The following TRAK2 variants were observed in gnomAD, a reference collection of about 807,000 sequenced individuals.
TRAK2 encodes the protein trafficking kinesin-binding protein 2.
Under a neutral mutation model 104.6 loss-of-function variants are expected in TRAK2, and 81 were observed. The observed-to-expected ratio is 0.77, with a 90% CI of 0.65 to 0.93. The LOEUF (loss-of-function observed/expected upper bound fraction) is 0.93, where lower values mean the gene tolerates loss of function less well. TRAK2 is among the 40% of genes least tolerant of loss of function. TRAK2 has a pLI of 0.00. For missense variants in TRAK2, 1,002 were observed against 1,089.0 expected (o/e 0.92, Z 1.12); for synonymous variants, 406 against 394.4 (o/e 1.03, Z -0.35).
chr2:201,445,782 T>G (rs1484705451), intron 1 of TRAK2, among the ~76,000 whole-genome samples: 1 of 152,244 alleles, frequency 6.6e-6, no homozygotes, highest in Non-Finnish European at 1.5e-5. Context: ...TAAATTTGAC[T>G]AGTTCAGATT....
chr2:201,391,632 T>C (rs563800686), intron 10 of TRAK2, among the ~76,000 whole-genome samples: 1 of 152,314 alleles, frequency 6.6e-6, no homozygotes, highest in South Asian at 2.1e-4. Context: ...TAACTGTTAA[T>C]TACCGTTAAC....
intron 1 of TRAK2, among the ~76,000 whole-genome samples, chr2:201,422,676 C>T (rs1476863487): frequency 3.3e-5 from 5 of 152,056 alleles, no homozygotes; most frequent in Non-Finnish European, 2.9e-5. Flanking sequence ...AGGGAAAATT[C>T]GGTTTATTTA....
At chr2:201,449,389 T>C (rs896850314) in intron 1 of TRAK2, among the ~76,000 whole-genome samples, 1 of 152,080 alleles carries the variant, frequency 6.6e-6, no homozygotes, top group Non-Finnish European at 1.5e-5. Flanking sequence ...CAGATTAGTG[T>C]GATAGGTTTG....
At chr2:201,425,630 A>T (rs966278043) in intron 1 of TRAK2, among the ~76,000 whole-genome samples, 14 of 151,952 alleles carry the variant, frequency 9.2e-5, no homozygotes, top group African/African-American at 3.4e-4. Flanking sequence ...CAAACTCCTG[A>T]CCTCAGGTGA....
intron 1 of TRAK2, among the ~76,000 whole-genome samples, chr2:201,448,117 GT>G (rs1951977564): frequency 6.6e-6 from 1 of 152,168 alleles, no homozygotes; most frequent in African/African-American, 2.4e-5. Context: ...TGATTCCACA[GT>G]TTACTTATCT....
chr2:201,434,111 C>T (rs1366208533), intron 1 of TRAK2, among the ~76,000 whole-genome samples: 2 of 152,186 alleles, frequency 1.3e-5, no homozygotes, highest in African/African-American at 4.8e-5. Context: ...GCGTCCGCCA[C>T]CGCGCCCGGC....
chr2:201,424,829 GATCTCC>G, intron 1 of TRAK2, among the ~76,000 whole-genome samples: 1 of 151,822 alleles, frequency 6.6e-6, no homozygotes, highest in South Asian at 2.1e-4. Context: ...GGATGGTCTC[GATCTCC>G]TGACCTCGTG....
At chr2:201,449,376 C>A (rs1443725517) in intron 1 of TRAK2, among the ~76,000 whole-genome samples, 1 of 152,096 alleles carries the variant, frequency 6.6e-6, no homozygotes, top group African/African-American at 2.4e-5. Flanking sequence ...AGTCTTTGAG[C>A]CTCAGATTAG....
chr2:201,393,016 A>C lies in TRAK2; in HGVS notation c.1006T>G (p.Cys336Gly). 2 of 1,612,648 alleles carry C rather than the reference A, an allele frequency of 1.2e-6. No individual in the cohort carries two copies. Among genetic ancestry groups the C allele is most frequent in the Non-Finnish European group, 1.7e-6 (2 of 1,179,216 alleles). The change falls in exon 10 of 16, where the codon TGT becomes GGT. Residue 336 changes from cysteine (C) to glycine (G), a missense_variant. Cys to Gly is a radical substitution (Grantham distance 159, BLOSUM62 -3). Coordinates refer to ENST00000332624, the MANE Select transcript of TRAK2 (RefSeq NM_015049.3). ...TGGGATTCATGTAACATTCCTAGAC[A>C]CTCCATATTCCTGTCTTGTAACTCG... Reference protein sequence around the residue: ...LHELQDRNMECLGMLHESQEE... With the variant: ...LHELQDRNMEGLGMLHESQEE...
intron 14 of TRAK2, among the ~76,000 whole-genome samples, chr2:201,385,574 T>C (rs1353640910): frequency 6.6e-6 from 1 of 152,194 alleles, no homozygotes. Context: ...ACTACTTACC[T>C]AGTTTTAGTG....
Position 201,386,309 on chromosome 2 carries a change from T to G in TRAK2, c.1872A>C (p.Gln624His). The change falls in exon 14 of 16, where the codon CAA becomes CAC. Residue 624 changes from glutamine (Q) to histidine (H), a missense_variant. Coordinates refer to ENST00000332624, the MANE Select transcript of TRAK2 (RefSeq NM_015049.3). ...AAAGTTTCTCTTCCACTTCAAGAGG[T>G]TGCTGAACCTGAAAAGTAATACCCT... is the stretch of plus-strand genomic sequence containing the variant. The part of the protein sequence containing the change: ...EEEGITFQVQ[Q>H]PLEVEEKLST... The G allele has an allele frequency of 1.9e-6, 3 of 1,614,118 alleles. No individual in the cohort carries two copies. Among genetic ancestry groups the G allele is most frequent in the Non-Finnish European group, 1.7e-6 (2 of 1,180,006 alleles).
Position 201,407,379 on chromosome 2 carries a change from TAAAAGAGTAAAAAAAATAC to T in TRAK2, c.286+5_286+23del. On this transcript the variant is annotated splice_donor_5th_base_variant and intron_variant, in intron 3 of 15. Coordinates refer to ENST00000332624, the MANE Select transcript of TRAK2 (RefSeq NM_015049.3). ...ATGATCATTACTTTAATGCACAAAC[TAAAAGAGTAAAAAAAATAC>T]TCACTCATGTAACGGAAAGTCTCTT... 1 of 1,596,486 alleles carries T rather than the reference TAAAAGAGTAAAAAAAATAC, an allele frequency of 6.3e-7. No individual in the cohort carries two copies.
At chr2:201,387,461 C>A (rs1161340994) in intron 13 of TRAK2, among the ~76,000 whole-genome samples, 1 of 152,176 alleles carries the variant, frequency 6.6e-6, no homozygotes, top group East Asian at 1.9e-4. Context: ...CTCTTCCCTG[C>A]TCACGTTTAT....
chr2:201,389,216 G>T, intron 12 of TRAK2, 84 bp downstream of exon 12: 2 of 1,279,628 alleles, frequency 1.6e-6, no homozygotes, highest in South Asian at 1.2e-5. Context: ...TGGGACAGTA[G>T]AGTAATGCTG....
intron 1 of TRAK2, among the ~76,000 whole-genome samples, chr2:201,432,000 G>A (rs562390522): frequency 2.0e-5 from 3 of 152,174 alleles, no homozygotes; most frequent in Admixed American, 6.5e-5. Flanking sequence ...TTAGAATAAT[G>A]TCTTAGAATA....
intron 3 of TRAK2, among the ~76,000 whole-genome samples, chr2:201,405,654 A>G (rs990440401): frequency 6.6e-6 from 1 of 152,222 alleles, no homozygotes; most frequent in Non-Finnish European, 1.5e-5. Flanking sequence ...ATAATGACAA[A>G]CTAAATTTAT....
chr2:201,404,290 A>C (rs1034803227), intron 3 of TRAK2, among the ~76,000 whole-genome samples: 1 of 152,226 alleles, frequency 6.6e-6, no homozygotes, highest in Non-Finnish European at 1.5e-5. Flanking sequence ...GTTGTTGAAA[A>C]TATGTTAAAT....
intron 3 of TRAK2, 29 bp downstream of exon 3, chr2:201,407,374 C>G (rs1419609596): frequency 2.5e-6 from 4 of 1,583,664 alleles, no homozygotes; most frequent in Non-Finnish European, 3.4e-6. Context: ...CTTTAATGCA[C>G]AAACTAAAAG....
intron 1 of TRAK2, among the ~76,000 whole-genome samples, chr2:201,427,613 A>G (rs980717156): frequency 2.0e-5 from 3 of 152,194 alleles, no homozygotes; most frequent in African/African-American, 7.2e-5. Flanking sequence ...GCTATTGTGA[A>G]TAGTGCCACA....
Sources: gnomAD v4.1 joint callset for allele counts (sites outside exome capture counted in the v4.1 genomes callset) on GRCh38, gnomAD v4.1.1 for gene constraint, MANE v1.5 for transcripts, NCBI Gene and HGNC (gene_info 2026-07-23, HGNC 2026-07-21) for gene names.